IPO9: variants seen among roughly 807,000 people sequenced by gnomAD.
The protein encoded by IPO9 is importin 9.
In IPO9, 28 loss-of-function variants were observed where a neutral mutation model predicts 128.6. The ratio of observed to expected loss-of-function variants is 0.22; its 90% CI spans 0.16 to 0.30. The LOEUF is 0.30. Ranked by LOEUF, IPO9 falls within the 10% of genes least tolerant of loss-of-function variation. The probability of loss-of-function intolerance (pLI) is 1.00; values close to 1 mark genes in which losing one functional copy is unlikely to be tolerated. For missense variants in IPO9, 935 were observed against 1,293.9 expected (o/e 0.72, Z 4.26); for synonymous variants, 455 against 475.8 (o/e 0.96, Z 0.57).
intron 1 of IPO9, 137 bp downstream of exon 1, chr1:201,829,509 T>C: frequency 7.9e-6 from 7 of 881,330 alleles, no homozygotes; most frequent in Non-Finnish European, 1.1e-5. Context: ...AAGCGAGAGA[T>C]TGATGTCGCT....
intron 4 of IPO9, 113 bp from the exon 5 acceptor site, chr1:201,851,991 C>T: frequency 1.6e-6 from 1 of 613,222 alleles, no homozygotes; most frequent in East Asian, 2.8e-5. Flanking sequence ...GTGTCTTTAC[C>T]TGTGTGCTGT....
At chr1:201,872,366 C>T (rs1382195346) in intron 19 of IPO9, among the ~76,000 whole-genome samples, 1 of 152,086 alleles carries the variant, frequency 6.6e-6, no homozygotes, top group Non-Finnish European at 1.5e-5. Context: ...CCTGTAATCC[C>T]GGCACTTTGG....
At position 201,852,171 on chromosome 1, in the gene IPO9, T is replaced by C. The variant is rs755204167; in HGVS notation, c.582T>C (p.Tyr194=). 6.2e-7 allele frequency: 1 copy of C among 1,611,272 alleles called. No homozygotes were observed. The highest frequency in any genetic ancestry group is 1.7e-5 in the Admixed American group (1 of 59,984). The change falls in exon 5 of 24, where the codon TAT becomes TAC. Residue 194 remains tyrosine, a synonymous_variant. Coordinates refer to ENST00000361565, the MANE Select transcript of IPO9 (RefSeq NM_018085.5). ...LVAPVILPEM[Y]KIFTMAEVYG... is the part of the protein sequence containing the mutation. ...CTCCTGTCATTCTCCCAGAGATGTA[T>C]AAGATCTTCACCATGGCTGAGGTAT...
At chr1:201,834,207 C>CTTT (rs71141418) in intron 1 of IPO9, among the ~76,000 whole-genome samples, 2 of 111,282 alleles carry the variant, frequency 1.8e-5, no homozygotes, top group Non-Finnish European at 2.0e-5. Flanking sequence ...CTTTTCTTTT[C>CTTT]TTTTTTTTTT....
intron 15 of IPO9, among the ~76,000 whole-genome samples, chr1:201,868,267 A>G (rs1013668655): frequency 6.8e-6 from 1 of 146,762 alleles, no homozygotes; most frequent in East Asian, 2.0e-4. Context: ...TGTTTTGGCA[A>G]TTTTTGCAGC....
chr1:201,858,296 C>T, intron 11 of IPO9, 151 bp from the exon 12 acceptor site: 1 of 446,554 alleles, frequency 2.2e-6, no homozygotes, highest in Non-Finnish European at 4.1e-6. Context: ...CCCTGACCTA[C>T]TGGTATAACA....
Position 201,881,658 on chromosome 1 carries a change from C to T in IPO9, c.*5604C>T, listed in dbSNP as rs1049277572. 1 of 152,158 alleles carries T rather than the reference C, an allele frequency of 6.6e-6. No individual in the cohort carries two copies. The highest frequency in any genetic ancestry group is 1.5e-5 in the Non-Finnish European group (1 of 68,032). The allele number at this position is 152,158 out of a possible 1,614,324, so 9.4% of individuals were successfully genotyped here. On this transcript the variant is annotated 3_prime_UTR_variant, in exon 24 of 24. Coordinates refer to ENST00000361565, the MANE Select transcript of IPO9 (RefSeq NM_018085.5). ...TTCCTCTAGAGAATGGGAGACTACC[C>T]AAGATAACTAAACAGGGAAGTGATC...
At chr1:201,845,950 T>C (rs954670076) in intron 1 of IPO9, among the ~76,000 whole-genome samples, 3 of 152,118 alleles carry the variant, frequency 2.0e-5, no homozygotes, top group Admixed American at 6.5e-5. Context: ...TAGATCTAAG[T>C]TCTAATTTGG....
intron 6 of IPO9, among the ~76,000 whole-genome samples, chr1:201,853,471 A>G (rs1302994948): frequency 1.3e-5 from 2 of 152,068 alleles, no homozygotes; most frequent in East Asian, 3.9e-4. Context: ...GGGCTCAAGC[A>G]GTCTTCCCCC....
chr1:201,854,581 GT>G lies in IPO9; in HGVS notation c.691-11del. 1 of 1,612,760 alleles carries G rather than the reference GT, an allele frequency of 6.2e-7. No individual in the cohort carries two copies. Among genetic ancestry groups the G allele is most frequent in the Non-Finnish European group, 8.5e-7 (1 of 1,179,814 alleles). On this transcript the variant is annotated splice_polypyrimidine_tract_variant and intron_variant, in intron 6 of 23. Coordinates refer to ENST00000361565, the MANE Select transcript of IPO9 (RefSeq NM_018085.5). ...AGGGGTTTGTCCAGTATTGACTTTG[GT>G]TTCTGTTATCAGGGTGCAGCCAAAG... is the stretch of plus-strand genomic sequence containing the variant.
At chr1:201,845,862 A>T (rs1219275373) in intron 1 of IPO9, among the ~76,000 whole-genome samples, 2 of 152,324 alleles carry the variant, frequency 1.3e-5, no homozygotes, top group African/African-American at 2.4e-5. Context: ...AAAAATTATG[A>T]TGCACTGTTG....
chr1:201,861,202 T>G (rs1373899989), intron 13 of IPO9, among the ~76,000 whole-genome samples: 1 of 152,162 alleles, frequency 6.6e-6, no homozygotes, highest in Non-Finnish European at 1.5e-5. Flanking sequence ...AAAATAATGT[T>G]TCTGTATTAC....
chr1:201,840,117 T>C (rs1025910923), intron 1 of IPO9, among the ~76,000 whole-genome samples: 1 of 152,240 alleles, frequency 6.6e-6, no homozygotes. Context: ...TGAGACAGCG[T>C]GTCACTCTGT....
chr1:201,829,764 T>C (rs1039888871), intron 1 of IPO9, among the ~76,000 whole-genome samples: 1 of 152,084 alleles, frequency 6.6e-6, no homozygotes, highest in Non-Finnish European at 1.5e-5. Context: ...TGTACTGGGA[T>C]AAGAGTAGGG....
At chr1:201,866,044 T>G (rs1158882928) in intron 14 of IPO9, among the ~76,000 whole-genome samples, 1 of 152,272 alleles carries the variant, frequency 6.6e-6, no homozygotes, top group African/African-American at 2.4e-5. Context: ...GACTTTATTT[T>G]GGAAGTCGGT....
intron 13 of IPO9, among the ~76,000 whole-genome samples, chr1:201,859,207 A>ATGTATATATATATATAT (rs1491106859): frequency 7.1e-6 from 1 of 140,546 alleles, no homozygotes; most frequent in African/African-American, 2.6e-5. Flanking sequence ...ATATATATAT[A>ATGTATATATATATATAT]AAGGAAACTC....
chr1:201,875,105 T>G, intron 22 of IPO9, 47 bp from the exon 23 acceptor site: 1 of 1,552,900 alleles, frequency 6.4e-7, no homozygotes, highest in Non-Finnish European at 8.9e-7. Context: ...CAGGGCCTGA[T>G]CATGGGCCTT....
chr1:201,853,459 C>A (rs1259512132), intron 6 of IPO9, among the ~76,000 whole-genome samples: 3 of 152,114 alleles, frequency 2.0e-5, no homozygotes, highest in Non-Finnish European at 4.4e-5. Flanking sequence ...TCTTGAACTT[C>A]TGGGCTCAAG....
At position 201,880,098 on chromosome 1, in the gene IPO9, A is replaced by G. The variant is rs996981726; in HGVS notation, c.*4044A>G. The G allele has an allele frequency of 4.6e-5, 7 of 152,230 alleles. No individual in the cohort carries two copies. Among genetic ancestry groups the G allele is most frequent in the African/African-American group, 1.7e-4 (7 of 41,448 alleles). The allele number at this position is 152,230 out of a possible 1,614,324, so 9.4% of individuals were successfully genotyped here. ...TGTGGTGCCACACCCATGTAATCCC[A>G]GCACTTTAGGAGGCTGAGGAGGGCA... is the stretch of plus-strand genomic sequence containing the variant. On this transcript the variant is annotated 3_prime_UTR_variant, in exon 24 of 24. Coordinates refer to ENST00000361565, the MANE Select transcript of IPO9 (RefSeq NM_018085.5).
Sources: gnomAD v4.1 joint callset for allele counts (sites outside exome capture counted in the v4.1 genomes callset) on GRCh38, gnomAD v4.1.1 for gene constraint, MANE v1.5 for transcripts, NCBI Gene and HGNC (gene_info 2026-07-23, HGNC 2026-07-21) for gene names.